The following CLDN2 variants were observed in gnomAD, a reference collection of about 807,000 sequenced individuals.
CLDN2 encodes the protein claudin-2.
A neutral mutation model predicts 8.2 loss-of-function variants in CLDN2; 1 was observed. That is an observed-to-expected ratio of 0.12 (90% CI 0.04 to 0.58). The LOEUF is 0.58. Among genes scored for constraint, CLDN2 ranks in the 20% least tolerant of loss-of-function variants. The probability of loss-of-function intolerance (pLI) is 0.90; values close to 1 mark genes in which losing one functional copy is unlikely to be tolerated. For missense variants in CLDN2, 108 were observed against 172.9 expected (o/e 0.62, Z 2.11); for synonymous variants, 70 against 70.2 (o/e 1.00, Z 0.01).
At chrX:106,906,766 T>TTATG (rs1279085685) in intron 1 of CLDN2, among the ~76,000 whole-genome samples, 1 of 111,485 alleles carries the variant, frequency 9.0e-6, no homozygotes, top group Non-Finnish European at 1.9e-5. Context: ...CAGCCATTTG[T>TTATG]TATGCTTCTT....
rs4292838 is a variant in CLDN2 at position 106,904,794 on chromosome X, T to G, written c.-179+4290T>G. Among the ~76,000 whole-genome samples, 19 of 112,074 alleles carry G rather than the reference T, an allele frequency of 1.7e-4. No individual in the cohort carries two copies. In the South Asian group the frequency reaches 7.0e-3, roughly 41 times the overall value. Reference sequence around the variant, plus strand: ...GCATGGTAGAAGAATGAGGGAAAAGTTAACATATTGAAAGAGTGAAAACAA... The same window carrying G: ...GCATGGTAGAAGAATGAGGGAAAAGGTAACATATTGAAAGAGTGAAAACAA... On this transcript the variant is annotated intron_variant, in intron 1 of 1. Transcript: ENST00000541806.
intron 1 of CLDN2, among the ~76,000 whole-genome samples, chrX:106,921,068 T>G (rs1405053151): frequency 8.9e-6 from 1 of 112,240 alleles, no homozygotes; most frequent in Admixed American, 9.4e-5. Flanking sequence ...TTCTTTCGAC[T>G]GAGGTATTAC....
At chrX:106,910,824 G>A (rs908111646) in intron 1 of CLDN2, among the ~76,000 whole-genome samples, 5 of 111,651 alleles carry the variant, frequency 4.5e-5, no homozygotes, top group Non-Finnish European at 9.4e-5. Context: ...CTCTAACTCA[G>A]GCCCTTCTTG....
intron 1 of CLDN2, among the ~76,000 whole-genome samples, chrX:106,921,407 C>G (rs1351368770): frequency 8.9e-6 from 1 of 111,953 alleles, no homozygotes; most frequent in Non-Finnish European, 1.9e-5. Flanking sequence ...CCCTTGGCAG[C>G]TGGAAGTGAG....
At chrX:106,921,386 A>G (rs922125316) in intron 1 of CLDN2, among the ~76,000 whole-genome samples, 1 of 112,433 alleles carries the variant, frequency 8.9e-6, no homozygotes, top group African/African-American at 3.2e-5. Flanking sequence ...TGGCTTTGCC[A>G]CCTACTAGTG....
intron 1 of CLDN2, among the ~76,000 whole-genome samples, chrX:106,908,786 T>C (rs763407967): frequency 2.0e-4 from 22 of 110,952 alleles, no homozygotes; most frequent in African/African-American, 5.9e-4. Flanking sequence ...AATGTTTATA[T>C]ACAAATGCAT....
At chrX:106,906,037 G>C (rs918691442) in intron 1 of CLDN2, among the ~76,000 whole-genome samples, 3 of 112,037 alleles carry the variant, frequency 2.7e-5, no homozygotes, top group African/African-American at 6.5e-5. Flanking sequence ...TCTTCTTGTT[G>C]GCTTTTCCCC....
intron 1 of CLDN2, among the ~76,000 whole-genome samples, chrX:106,913,100 A>ATT (rs142173484): frequency 5.7e-5 from 6 of 104,521 alleles, no homozygotes; most frequent in African/African-American, 2.1e-4. Context: ...AGTGCAATTG[A>ATT]TTTTTTTTTT....
chrX:106,901,299 TAGAAA>T (rs1933089794), intron 1 of CLDN2, among the ~76,000 whole-genome samples: 1 of 111,092 alleles, frequency 9.0e-6, no homozygotes, highest in Non-Finnish European at 1.9e-5. Context: ...ACAATGCCTC[TAGAAA>T]AGACAGCCTT....
intron 1 of CLDN2, among the ~76,000 whole-genome samples, chrX:106,924,732 A>G (rs944703489): frequency 5.6e-5 from 6 of 107,452 alleles, no homozygotes; most frequent in Non-Finnish European, 1.1e-4. Context: ...ATAAATATAT[A>G]TAATATACAT....
chrX:106,914,575 T>C (rs1484975941), upstream of CLDN2, among the ~76,000 whole-genome samples: 1 of 111,767 alleles, frequency 8.9e-6, no homozygotes, highest in Non-Finnish European at 1.9e-5. Flanking sequence ...AGCCAGACAT[T>C]AAAGAGATTT....
rs1270104162 is a variant in CLDN2 at position 106,920,548 on chromosome X, C to T, written c.-182C>T. ...CCCTCCAAGGCTCTGCAAAGAACTG[C>T]CCTGTAAGTATCTCCATCCTGATAT... is the stretch of plus-strand genomic sequence containing the variant. On this transcript the variant is annotated 5_prime_UTR_variant, in exon 1 of 2. Transcript: ENST00000336803. 9.0e-6 allele frequency: 1 copy of T among 111,013 alleles called. No individual in the cohort carries two copies. The highest frequency in any genetic ancestry group is 1.9e-5 in the Non-Finnish European group (1 of 52,978). 9.1% of individuals were successfully genotyped at this position (111,013 alleles called of 1,213,427 possible).
intron 1 of CLDN2, chrX:106,900,734 C>G (rs556793491): frequency 8.3e-7 from 1 of 1,198,019 alleles, no homozygotes; most frequent in Non-Finnish European, 1.1e-6. Flanking sequence ...CTTCTGGCCC[C>G]TTTTCATTGG....
intron 1 of CLDN2, among the ~76,000 whole-genome samples, chrX:106,920,798 A>G (rs1933380908): frequency 1.8e-5 from 2 of 111,811 alleles, no homozygotes; most frequent in East Asian, 2.8e-4. Flanking sequence ...TCCAAATCAG[A>G]TATTTTCTGG....
intron 1 of CLDN2, chrX:106,903,238 G>A: frequency 8.3e-7 from 1 of 1,210,280 alleles, no homozygotes; most frequent in Non-Finnish European, 1.1e-6. Flanking sequence ...TAGGGCCAAA[G>A]CCAGGGCTGG....
At chrX:106,918,893 A>G (rs960645029), upstream of CLDN2, among the ~76,000 whole-genome samples, 4 of 112,364 alleles carry the variant, frequency 3.6e-5, no homozygotes, top group African/African-American at 6.5e-5. Context: ...ATCTGGAAAT[A>G]GTAATGGCTG....
upstream of CLDN2, among the ~76,000 whole-genome samples, chrX:106,915,229 C>T (rs892827596): frequency 1.8e-5 from 2 of 112,194 alleles, no homozygotes; most frequent in African/African-American, 6.5e-5. Context: ...TTCCATTACA[C>T]AGATGTACCA....
chrX:106,919,274 G>A (rs1933355800), upstream of CLDN2, among the ~76,000 whole-genome samples: 1 of 110,949 alleles, frequency 9.0e-6, no homozygotes, highest in South Asian at 3.9e-4. Context: ...TCTGGCTGGT[G>A]GCATTATGAG....
intron 1 of CLDN2, among the ~76,000 whole-genome samples, chrX:106,921,765 T>A (rs1933396295): frequency 1.8e-5 from 2 of 112,201 alleles, no homozygotes; most frequent in South Asian, 7.5e-4. Flanking sequence ...GAAGATTAAG[T>A]AAGGATCCTA....
Sources: allele counts gnomAD v4.1 joint callset (sites outside exome capture counted in the v4.1 genomes callset), GRCh38; gene constraint gnomAD v4.1.1; transcripts MANE v1.5; gene names NCBI Gene and HGNC (gene_info 2026-07-23, HGNC 2026-07-21).